Variants in MAP3K9 observed in about 807,000 individuals in gnomAD.
MAP3K9 encodes mitogen-activated protein kinase kinase kinase 9.
A neutral mutation model predicts 95.8 loss-of-function variants in MAP3K9; 46 were observed. The observed-to-expected ratio is 0.48, with a 90% CI of 0.38 to 0.61. MAP3K9 has a LOEUF of 0.61. MAP3K9 is among the 20% of genes least tolerant of loss of function. The pLI is 0.00. For synonymous variants in MAP3K9, 533 were observed against 593.8 expected, an observed-to-expected ratio of 0.90 and a Z score of 1.49; for missense variants, 1,296 against 1,474.3, an observed-to-expected ratio of 0.88 and a Z score of 1.98.
At chr14:70,793,762 G>A (rs982367429) in intron 2 of MAP3K9, among the ~76,000 whole-genome samples, 1 of 152,094 alleles carries the variant, frequency 6.6e-6, no homozygotes, top group Non-Finnish European at 1.5e-5. Flanking sequence ...AACCTATTTG[G>A]AGATGTAAGG....
chr14:70,757,969 G>GT (rs1555369320), intron 3 of MAP3K9, among the ~76,000 whole-genome samples: 1 of 152,096 alleles, frequency 6.6e-6, no homozygotes, highest in Non-Finnish European at 1.5e-5. Context: ...ATATAGGAGT[G>GT]TAAGTCTTCA....
At position 70,740,176 on chromosome 14, in the gene MAP3K9, A is replaced by T. The variant is rs1255217817; in HGVS notation, c.1568-12T>A. 6.2e-7 allele frequency: 1 copy of T among 1,611,754 alleles called. No homozygotes were observed. Among genetic ancestry groups the T allele is most frequent in the Admixed American group, 1.7e-5 (1 of 59,986 alleles). On this transcript the variant is annotated splice_polypyrimidine_tract_variant and intron_variant, in intron 6 of 11. Transcript: ENST00000554752. The stretch of plus-strand genomic sequence containing the variant: ...CTTGTGCTGGAAATCTGCTTGGGGA[A>T]AGACAAACACGTGTATGCATTAACA...
At chr14:70,768,945 G>A (rs538461912) in intron 2 of MAP3K9, among the ~76,000 whole-genome samples, 13 of 152,284 alleles carry the variant, frequency 8.5e-5, no homozygotes, top group African/African-American at 3.1e-4. Flanking sequence ...ACGTAACTCA[G>A]CTAATTTGGT....
chr14:70,799,364 G>A (rs1403500871), intron 2 of MAP3K9, among the ~76,000 whole-genome samples: 1 of 151,802 alleles, frequency 6.6e-6, no homozygotes, highest in Non-Finnish European at 1.5e-5. Flanking sequence ...TTTTGAGATG[G>A]AGTCTCGCTC....
At chr14:70,735,817 G>A (rs2053977988) in intron 9 of MAP3K9, 144 bp downstream of exon 9, 15 of 690,730 alleles carry the variant, frequency 2.2e-5, no homozygotes, top group Admixed American at 1.5e-4. Context: ...CAATGGTACT[G>A]CTTAAAACAA....
chr14:70,809,425 C>G lies in MAP3K9; in HGVS notation c.-254G>C. The G allele has an allele frequency of 3.0e-6, 1 of 337,214 alleles. No individual in the cohort carries two copies. The highest frequency in any genetic ancestry group is 5.3e-6 in the Non-Finnish European group (1 of 190,170). 20.9% of individuals were successfully genotyped at this position (337,214 alleles called of 1,614,324 possible). On this transcript the variant is annotated 5_prime_UTR_variant, in exon 1 of 12. Transcript: ENST00000554752. ...AGTCCCCGCCTGCCCGCTCGCCCCCCCGGGGGCGGCCTCGTCACCTCTGCC... is the reference window on the plus strand; with the variant it reads ...AGTCCCCGCCTGCCCGCTCGCCCCCGCGGGGGCGGCCTCGTCACCTCTGCC...
At chr14:70,757,780 G>C (rs1470532472) in intron 3 of MAP3K9, among the ~76,000 whole-genome samples, 3 of 152,148 alleles carry the variant, frequency 2.0e-5, no homozygotes, top group Non-Finnish European at 4.4e-5. Flanking sequence ...TTTGATAAAA[G>C]TGACCAAATA....
rs2053799395 is a variant in MAP3K9 at position 70,724,864 on chromosome 14, T to G, written c.*5516A>C. ...CCCTCATGTTCCGGTAGGAGAGGCC[T>G]GTCTGTGCACCCCTGGAATGGTATT... On this transcript the variant is annotated 3_prime_UTR_variant, in exon 12 of 12. Coordinates refer to ENST00000554752, the MANE Select transcript of MAP3K9 (RefSeq NM_001284230.2). The G allele has an allele frequency of 6.6e-6, 1 of 152,204 alleles. No individual in the cohort carries two copies. Among genetic ancestry groups the G allele is most frequent in the Non-Finnish European group, 1.5e-5 (1 of 68,052 alleles). The allele number at this position is 152,204 out of a possible 1,614,324, so 9.4% of individuals were successfully genotyped here. A position where few individuals can be genotyped will look rare whatever the true frequency, so the allele number is the denominator to read the frequency against.
chr14:70,740,238 T>C, intron 6 of MAP3K9, 74 bp from the exon 7 acceptor site: 2 of 1,492,792 alleles, frequency 1.3e-6, no homozygotes, highest in Non-Finnish European at 1.8e-6. Flanking sequence ...AATATGACAT[T>C]CCTCAGCATC....
rs1270918759 is a variant in MAP3K9 at position 70,732,589 on chromosome 14, A to C, written c.2780T>G (p.Leu927Arg). ...SDGALKPETL[L>R]ASRSPSSNGL... The stretch of plus-strand genomic sequence containing the variant: ...ATTGCTGGAGGGGCTCCTGCTGGCT[A>C]GGAGAGTCTCTGGCTTAAGGGCCCC... The change falls in exon 11 of 12, where the codon CTA (leucine) becomes CGA (arginine). Residue 927 changes from leucine (L) to arginine (R), a missense_variant. Coordinates refer to ENST00000554752, the MANE Select transcript of MAP3K9 (RefSeq NM_001284230.2). 1 of 1,604,272 alleles carries C rather than the reference A, an allele frequency of 6.2e-7. No individual in the cohort carries two copies. The highest frequency in any genetic ancestry group is 1.1e-5 in the South Asian group (1 of 89,696).
At chr14:70,790,555 A>G (rs2054796300) in intron 2 of MAP3K9, among the ~76,000 whole-genome samples, 1 of 152,208 alleles carries the variant, frequency 6.6e-6, no homozygotes, top group African/African-American at 2.4e-5. Context: ...CAGATGCCCA[A>G]TTTAAGTTAT....
At position 70,800,755 on chromosome 14, in the gene MAP3K9, A is replaced by G; in HGVS notation, c.732T>C (p.Asn244=). ...TCCCTCTGGCAATCTGCACAGCCCA[A>G]TTCACCAGGATGTCTGGGGGAATCC... ...GKRIPPDILV[N]WAVQIARGMN... Residue 244 remains asparagine, a synonymous_variant, in exon 2 of 12, where the codon AAT becomes AAC. Coordinates refer to ENST00000554752, the MANE Select transcript of MAP3K9 (RefSeq NM_001284230.2). 1 of 1,614,124 alleles carries G rather than the reference A, an allele frequency of 6.2e-7. No homozygotes were observed. The highest frequency in any genetic ancestry group is 8.5e-7 in the Non-Finnish European group (1 of 1,180,028).
chr14:70,806,253 G>A (rs1255851952), intron 1 of MAP3K9, among the ~76,000 whole-genome samples: 1 of 152,144 alleles, frequency 6.6e-6, no homozygotes, highest in South Asian at 2.1e-4. Flanking sequence ...ATGAACCAAG[G>A]CACTGCACTG....
intron 2 of MAP3K9, among the ~76,000 whole-genome samples, chr14:70,775,717 G>T (rs1413748548): frequency 6.6e-6 from 1 of 152,204 alleles, no homozygotes; most frequent in African/African-American, 2.4e-5. Context: ...AAGAGAACTG[G>T]AAGAGAAGCC....
At chr14:70,758,745 A>G (rs2054330118) in intron 3 of MAP3K9, among the ~76,000 whole-genome samples, 1 of 152,184 alleles carries the variant, frequency 6.6e-6, no homozygotes, top group Non-Finnish European at 1.5e-5. Flanking sequence ...AAATTCTGAG[A>G]TAAGTTACAA....
At position 70,808,772 on chromosome 14, in the gene MAP3K9, T is replaced by A; in HGVS notation, c.400A>T (p.Ile134Phe). ...GGCCCCGCCTTCGCCTTACACTGAATGGGCGGGTAGCAACTGGGGTCCTCG... is the reference window on the plus strand; with the variant it reads ...GGCCCCGCCTTCGCCTTACACTGAAAGGGCGGGTAGCAACTGGGGTCCTCG... ...GGEDPSCYPP[I>F]QLLEIDFAEL... Residue 134 changes from isoleucine to phenylalanine, a missense_variant, in exon 1 of 12, where the codon ATT becomes TTT. By Grantham distance (21) the Ile-to-Phe change is conservative. Around this residue, in one of 5 missense-constraint regions of MAP3K9, gnomAD observed 338 missense variants for 363.4 expected, o/e 0.93. Transcript: ENST00000554752. The A allele has an allele frequency of 7.0e-7, 1 of 1,419,670 alleles. No homozygotes were observed. Among genetic ancestry groups the A allele is most frequent in the African/African-American group, 1.5e-5 (1 of 65,930 alleles). 87.9% of individuals were successfully genotyped at this position (1,419,670 alleles called of 1,614,324 possible).
intron 2 of MAP3K9, among the ~76,000 whole-genome samples, chr14:70,789,339 C>G (rs779178710): frequency 2.1e-4 from 32 of 152,154 alleles, no homozygotes; most frequent in Non-Finnish European, 4.4e-5. Flanking sequence ...TCAGGGCTGC[C>G]TAAAATCCTC....
At chr14:70,743,111 G>A (rs755979346) in intron 5 of MAP3K9, among the ~76,000 whole-genome samples, 27 of 151,776 alleles carry the variant, frequency 1.8e-4, no homozygotes, top group Non-Finnish European at 2.2e-4. Context: ...CTCAGCCACC[G>A]GAGTAGCTGA....
intron 7 of MAP3K9, 111 bp downstream of exon 7, chr14:70,739,931 G>C (rs764535036): frequency 1.2e-6 from 2 of 1,614,040 alleles, no homozygotes; most frequent in East Asian, 4.5e-5. Flanking sequence ...GTCGAGGAGA[G>C]GTGGCAGAAG....
Sources: gnomAD v4.1 joint callset for allele counts (sites outside exome capture counted in the v4.1 genomes callset) on GRCh38, gnomAD v4.1.1 for gene constraint, gnomAD v4.1.1 regional missense constraint, MANE v1.5 for transcripts, NCBI Gene and HGNC (gene_info 2026-07-23, HGNC 2026-07-21) for gene names.